The following SLIT3 variants were observed in gnomAD, a reference collection of about 807,000 sequenced individuals.
SLIT3 encodes the protein slit homolog 3 protein.
SLIT3 carries 68 observed loss-of-function variants against 184.0 expected under a neutral mutation model. The observed-to-expected ratio is 0.37, with a 90% CI of 0.30 to 0.45. SLIT3 has a LOEUF of 0.45. SLIT3 is among the 20% of genes least tolerant of loss of function. The pLI is 1.00. For synonymous variants in SLIT3, 831 were observed against 828.6 expected (o/e 1.00, Z -0.05); for missense variants, 1,707 against 2,026.0 (o/e 0.84, Z 3.02).
intron 4 of SLIT3, among the ~76,000 whole-genome samples, chr5:169,163,783 T>C (rs563765506): frequency 1.0e-3 from 158 of 152,220 alleles, no homozygotes; most frequent in African/African-American, 3.7e-3. Context: ...GTCATTCTAC[T>C]GGACAACGGA....
chr5:168,886,816 A>G (rs1361986787), intron 4 of SLIT3, among the ~76,000 whole-genome samples: 1 of 152,190 alleles, frequency 6.6e-6, no homozygotes, highest in African/African-American at 2.4e-5. Context: ...GGAGAACTGC[A>G]TTAGCTAAAG....
chr5:168,725,906 C>T (rs1256810034), intron 20 of SLIT3, among the ~76,000 whole-genome samples: 3 of 152,202 alleles, frequency 2.0e-5, no homozygotes, highest in Non-Finnish European at 2.9e-5. Flanking sequence ...CACATTGGAA[C>T]GTGCATTATC....
chr5:169,198,509 C>T (rs545907012), intron 3 of SLIT3, among the ~76,000 whole-genome samples: 1 of 152,288 alleles, frequency 6.6e-6, no homozygotes, highest in East Asian at 1.9e-4. Context: ...AGGTGTACAA[C>T]TAGGCAGCAG....
chr5:169,128,031 T>C (rs1459183163), intron 4 of SLIT3, among the ~76,000 whole-genome samples: 1 of 152,058 alleles, frequency 6.6e-6, no homozygotes, highest in African/African-American at 2.4e-5. Flanking sequence ...TACCATAGAA[T>C]GATTAGGTGA....
chr5:169,105,820 G>T (rs1346539701), intron 4 of SLIT3, among the ~76,000 whole-genome samples: 1 of 152,114 alleles, frequency 6.6e-6, no homozygotes, highest in African/African-American at 2.4e-5. Flanking sequence ...GTATTCCACG[G>T]TGTATATGTG....
chr5:168,707,799 G>A, intron 26 of SLIT3, 177 bp downstream of exon 26: 1 of 671,816 alleles, frequency 1.5e-6, no homozygotes, highest in Non-Finnish European at 2.5e-6. Context: ...GCTCCCGCTA[G>A]TTCAGAGAAC....
chr5:169,103,142 A>ATTC (rs1392419465), intron 4 of SLIT3, among the ~76,000 whole-genome samples: 1 of 152,198 alleles, frequency 6.6e-6, no homozygotes, highest in African/African-American at 2.4e-5. Flanking sequence ...ACTCTTAATT[A>ATTC]TTCTTCCCAT....
intron 32 of SLIT3, among the ~76,000 whole-genome samples, chr5:168,676,464 G>A (rs568465351): frequency 1.3e-5 from 2 of 152,302 alleles, no homozygotes; most frequent in South Asian, 4.1e-4. Context: ...CCCTATGAAG[G>A]TAGAGCTATT....
chr5:168,731,093 A>C (rs1763275663), intron 20 of SLIT3, among the ~76,000 whole-genome samples: 1 of 152,052 alleles, frequency 6.6e-6, no homozygotes, highest in South Asian at 2.1e-4. Flanking sequence ...TCAGAACTGA[A>C]AAAGGAGACA....
intron 16 of SLIT3, among the ~76,000 whole-genome samples, chr5:168,758,655 G>A (rs974978343): frequency 2.0e-5 from 3 of 152,248 alleles, no homozygotes; most frequent in African/African-American, 2.4e-5. Flanking sequence ...CACAGCATTC[G>A]CTGGAGCCAT....
chr5:168,727,314 C>T (rs929582888), intron 20 of SLIT3, among the ~76,000 whole-genome samples: 11 of 151,192 alleles, frequency 7.3e-5, no homozygotes, highest in African/African-American at 2.2e-4. Flanking sequence ...AGTGAGACTC[C>T]GTCTCAAAAA....
At chr5:169,181,737 T>C (rs1763164535) in intron 4 of SLIT3, among the ~76,000 whole-genome samples, 1 of 74,696 alleles carries the variant, frequency 1.3e-5, no homozygotes, top group Non-Finnish European at 2.8e-5. Context: ...CGAGACTTCA[T>C]CTCAAAAAAA....
At chr5:168,998,286 A>G (rs1755582449) in intron 4 of SLIT3, among the ~76,000 whole-genome samples, 1 of 152,148 alleles carries the variant, frequency 6.6e-6, no homozygotes, top group Admixed American at 6.5e-5. Flanking sequence ...CACCTCCAAA[A>G]TGCCTCCAAA....
At position 168,722,408 on chromosome 5, in the gene SLIT3, A is replaced by T. The variant is rs1260714316; in HGVS notation, c.2412-81T>A. The T allele has an allele frequency of 3.3e-6, 4 of 1,223,352 alleles. No homozygotes were observed. The African/African-American group carries it at 5.9e-5, about 18-fold the overall frequency. 75.8% of individuals were successfully genotyped at this position (1,223,352 alleles called of 1,614,324 possible). A position where few individuals can be genotyped will look rare whatever the true frequency, so the allele number is the denominator to read the frequency against. The stretch of plus-strand genomic sequence containing the variant: ...GGTGCACTGTTCACGTTGTGAAACA[A>T]AGCAAATGGTTTATCTTTTCAATGT... On this transcript the variant is annotated intron_variant, in intron 22 of 35. Coordinates refer to ENST00000519560, the MANE Select transcript of SLIT3 (RefSeq NM_003062.4).
At chr5:169,192,058 C>T (rs1467900348) in intron 4 of SLIT3, among the ~76,000 whole-genome samples, 1 of 152,200 alleles carries the variant, frequency 6.6e-6, no homozygotes, top group Non-Finnish European at 1.5e-5. Context: ...CATCTAAGGG[C>T]AGGGCTATGA....
intron 4 of SLIT3, among the ~76,000 whole-genome samples, chr5:169,172,006 A>G (rs1017553762): frequency 6.6e-5 from 10 of 152,222 alleles, no homozygotes; most frequent in African/African-American, 2.4e-4. Context: ...TGGAGGGGAA[A>G]TGCCACCTTT....
chr5:168,932,349 C>T (rs1289615773), intron 4 of SLIT3, among the ~76,000 whole-genome samples: 1 of 24,640 alleles, frequency 4.1e-5, no homozygotes, highest in Non-Finnish European at 9.2e-5. Flanking sequence ...GGGAAAAAGA[C>T]ACACACACAC....
intron 3 of SLIT3, 108 bp from the exon 4 acceptor site, chr5:169,193,658 ACT>A (rs1216023080): frequency 8.4e-6 from 7 of 835,956 alleles, no homozygotes; most frequent in East Asian, 2.4e-5. Flanking sequence ...GCATTAAGAG[ACT>A]CTCTACGTCT....
At chr5:169,227,568 C>T (rs1764856341) in intron 3 of SLIT3, among the ~76,000 whole-genome samples, 1 of 152,146 alleles carries the variant, frequency 6.6e-6, no homozygotes, top group African/African-American at 2.4e-5. Flanking sequence ...GCTGGGATTA[C>T]AGGCACGCAC....
Sources: allele counts gnomAD v4.1 joint callset (sites outside exome capture counted in the v4.1 genomes callset), GRCh38; gene constraint gnomAD v4.1.1; transcripts MANE v1.5; gene names NCBI Gene and HGNC (gene_info 2026-07-23, HGNC 2026-07-21).